Variants in GPHN observed in about 807,000 individuals in gnomAD.
The protein encoded by GPHN is gephyrin.
In GPHN, 17 loss-of-function variants were observed where a neutral mutation model predicts 95.5. That is an observed-to-expected ratio of 0.18 (90% CI 0.12 to 0.27). GPHN has a LOEUF of 0.27. Among genes scored for constraint, GPHN ranks in the 10% least tolerant of loss-of-function variants. GPHN has a pLI of 1.00. For missense variants in GPHN, 660 were observed against 978.1 expected, an observed-to-expected ratio of 0.67 and a Z score of 4.34; for synonymous variants, 320 against 322.5, an observed-to-expected ratio of 0.99 and a Z score of 0.08.
intron 8 of GPHN, among the ~76,000 whole-genome samples, chr14:66,941,335 G>A (rs1466935580): frequency 6.6e-6 from 1 of 151,868 alleles, no homozygotes; most frequent in Non-Finnish European, 1.5e-5. Context: ...TTTGCATAAA[G>A]TACAGCAAGA....
intron 5 of GPHN, among the ~76,000 whole-genome samples, chr14:66,909,540 A>G (rs537365283): frequency 3.3e-5 from 5 of 152,216 alleles, no homozygotes; most frequent in Admixed American, 1.3e-4. Flanking sequence ...GAATCACTGC[A>G]TTAACAGATT....
chr14:66,519,582 G>C (rs555331554), intron 1 of GPHN, among the ~76,000 whole-genome samples: 17 of 152,200 alleles, frequency 1.1e-4, no homozygotes, highest in African/African-American at 3.9e-4. Flanking sequence ...TAGAGTTACT[G>C]TCTGCATAAG....
the GPHN span, among the ~76,000 whole-genome samples, chr14:67,558,610 T>C: frequency 1.3e-5 from 2 of 152,198 alleles, no homozygotes; most frequent in African/African-American, 4.8e-5. Context: ...CATTTTACAA[T>C]TGGAATCAGT....
the GPHN span, chr14:67,619,971 G>A: frequency 6.3e-7 from 1 of 1,578,974 alleles, no homozygotes; most frequent in Non-Finnish European, 8.6e-7. Flanking sequence ...TCTCAGTGCT[G>A]CGGATCATGT....
At chr14:67,324,869 G>A in the GPHN span, among the ~76,000 whole-genome samples, 3 of 145,508 alleles carry the variant, frequency 2.1e-5, no homozygotes, top group Non-Finnish European at 3.0e-5. Context: ...GATTGCAGGT[G>A]TAAGCTACCA....
chr14:67,142,396 A>G (rs1467929628), intron 17 of GPHN, among the ~76,000 whole-genome samples: 1 of 152,156 alleles, frequency 6.6e-6, no homozygotes, highest in African/African-American at 2.4e-5. Context: ...TTCTCACTTG[A>G]TCAGTCTCAA....
the GPHN span, chr14:67,332,850 C>G: frequency 1.9e-6 from 3 of 1,613,844 alleles, no homozygotes; most frequent in Non-Finnish European, 2.5e-6. Context: ...TACTTTGATA[C>G]GGCAATTGTG....
intron 9 of GPHN, among the ~76,000 whole-genome samples, chr14:66,994,024 T>C (rs1367692031): frequency 6.6e-6 from 1 of 152,160 alleles, no homozygotes; most frequent in Non-Finnish European, 1.5e-5. Flanking sequence ...CACTTTATTA[T>C]TATTCTCTTA....
chr14:67,173,453 C>T (rs556465230), intron 21 of GPHN, among the ~76,000 whole-genome samples: 23 of 152,254 alleles, frequency 1.5e-4, no homozygotes, highest in South Asian at 1.0e-3. Context: ...AGTTACTGCT[C>T]GCCCTGAAAG....
chr14:67,441,163 T>C, the GPHN span, among the ~76,000 whole-genome samples: 8 of 152,172 alleles, frequency 5.3e-5, no homozygotes, highest in East Asian at 1.9e-4. Context: ...TTCCCAGCTG[T>C]GGCTGCTGCT....
the GPHN span, among the ~76,000 whole-genome samples, chr14:67,408,404 T>C: frequency 6.6e-6 from 1 of 152,066 alleles, no homozygotes; most frequent in African/African-American, 2.4e-5. Context: ...GGTTGAATTG[T>C]ATTTCCCCAA....
At chr14:66,782,548 G>A (rs1048542654) in intron 3 of GPHN, among the ~76,000 whole-genome samples, 20 of 152,254 alleles carry the variant, frequency 1.3e-4, no homozygotes, top group Admixed American at 9.8e-4. Flanking sequence ...GGCCAGGTGC[G>A]GTGGCTCATG....
intron 2 of GPHN, among the ~76,000 whole-genome samples, chr14:66,681,820 A>C (rs975183855): frequency 6.6e-6 from 1 of 152,128 alleles, no homozygotes; most frequent in African/African-American, 2.4e-5. Flanking sequence ...ATCTATGAAC[A>C]TACCTTCCCA....
At chr14:67,620,336 C>T in the GPHN span, among the ~76,000 whole-genome samples, 3 of 152,004 alleles carry the variant, frequency 2.0e-5, no homozygotes, top group Admixed American at 6.6e-5. Flanking sequence ...TTTCTGCGGC[C>T]TCCCCAGAAA....
chr14:67,584,968 G>C, the GPHN span: 2 of 152,348 alleles, frequency 1.3e-5, no homozygotes, highest in African/African-American at 4.8e-5. Context: ...ATGTCTATCT[G>C]CCTCCCTTTG....
At chr14:67,029,893 C>T (rs1371664202) in intron 10 of GPHN, among the ~76,000 whole-genome samples, 1 of 152,080 alleles carries the variant, frequency 6.6e-6, no homozygotes, top group Non-Finnish European at 1.5e-5. Flanking sequence ...AAATCACTCC[C>T]TCCTTAATGA....
intron 1 of GPHN, among the ~76,000 whole-genome samples, chr14:66,586,066 G>T (rs1277539982): frequency 6.6e-6 from 1 of 152,068 alleles, no homozygotes; most frequent in Non-Finnish European, 1.5e-5. Context: ...TATGAATCTG[G>T]GTGCTCCTGT....
the GPHN span, among the ~76,000 whole-genome samples, chr14:67,340,711 CCTCT>C: frequency 1.3e-5 from 2 of 152,222 alleles, no homozygotes; most frequent in Non-Finnish European, 1.5e-5. Context: ...CCACGGTCTC[CCTCT>C]GATGCCGAGC....
At chr14:66,643,592 A>G (rs1369366774) in intron 1 of GPHN, among the ~76,000 whole-genome samples, 2 of 152,074 alleles carry the variant, frequency 1.3e-5, no homozygotes, top group African/African-American at 4.8e-5. Flanking sequence ...TGAATCTCAT[A>G]AACTTAATGT....
Sources: allele counts gnomAD v4.1 joint callset (sites outside exome capture counted in the v4.1 genomes callset), GRCh38; gene constraint gnomAD v4.1.1; transcripts MANE v1.5; gene names NCBI Gene and HGNC (gene_info 2026-07-23, HGNC 2026-07-21).